SEC22A: variants seen among roughly 807,000 people sequenced by gnomAD.
The protein encoded by SEC22A is vesicle-trafficking protein SEC22a.
In SEC22A, 22 loss-of-function variants were observed where a neutral mutation model predicts 35.3. That is an observed-to-expected ratio of 0.62 (90% confidence interval 0.45 to 0.89). SEC22A has a LOEUF of 0.89. SEC22A is among the 40% of genes least tolerant of loss of function. The pLI, the probability that SEC22A is intolerant of heterozygous loss-of-function variation, is 0.00. For synonymous variants in SEC22A, 119 were observed against 129.5 expected, an observed-to-expected ratio of 0.92 and a Z score of 0.55; for missense variants, 354 against 362.5, an observed-to-expected ratio of 0.98 and a Z score of 0.19.
At chr3:123,246,548 C>T (rs1235021294) in intron 5 of SEC22A, among the ~76,000 whole-genome samples, 1 of 152,202 alleles carries the variant, frequency 6.6e-6, no homozygotes, top group Non-Finnish European at 1.5e-5. Flanking sequence ...AAAACTTGAG[C>T]TTCCTAGAAA....
At chr3:123,250,631 C>T (rs1384412271) in intron 5 of SEC22A, among the ~76,000 whole-genome samples, 4 of 152,060 alleles carry the variant, frequency 2.6e-5, no homozygotes, top group Non-Finnish European at 4.4e-5. Flanking sequence ...TAGTAGATCC[C>T]CAGCCATAAT....
At chr3:123,270,744 A>G (rs886160089) in intron 6 of SEC22A, among the ~76,000 whole-genome samples, 2 of 152,210 alleles carry the variant, frequency 1.3e-5, no homozygotes, top group African/African-American at 4.8e-5. Flanking sequence ...GAATGCCAGG[A>G]TGGGCAGGAG....
intron 4 of SEC22A, among the ~76,000 whole-genome samples, chr3:123,238,551 T>C (rs1937469740): frequency 6.6e-6 from 1 of 152,230 alleles, no homozygotes; most frequent in African/African-American, 2.4e-5. Flanking sequence ...CAAGCCTACA[T>C]AATATTTTCT....
chr3:123,220,641 T>C (rs1456913470), intron 2 of SEC22A, among the ~76,000 whole-genome samples: 2 of 151,982 alleles, frequency 1.3e-5, no homozygotes, highest in Non-Finnish European at 2.9e-5. Flanking sequence ...AATGCTGTAG[T>C]TCACTAAACT....
At chr3:123,207,682 A>G (rs1362424300) in intron 1 of SEC22A, among the ~76,000 whole-genome samples, 1 of 152,232 alleles carries the variant, frequency 6.6e-6, no homozygotes, top group Admixed American at 6.5e-5. Flanking sequence ...AGAAATCTGC[A>G]TTTTTAACTA....
intron 6 of SEC22A, among the ~76,000 whole-genome samples, chr3:123,269,177 A>ATGTGTG (rs1223821694): frequency 0.02 from 2,270 of 112,008 alleles, 28 homozygotes; most frequent in African/African-American, 0.034. Flanking sequence ...TGAATTAAAT[A>ATGTGTG]TATGTGTGTG....
rs779433710 is a variant in SEC22A, at chr3:123,203,053, C to CTTTTTTTTTTTTT, written c.-20+1089_-20+1101dup. 4.3e-4 allele frequency among the ~76,000 whole-genome samples: 19 copies of CTTTTTTTTTTTTT among 43,838 alleles called. 4 individuals carry two copies. The highest frequency in any genetic ancestry group is 1.2e-3 in the African/African-American group (11 of 9,430). 28.8% of individuals were successfully genotyped at this position (43,838 alleles called of 152,430 possible). The stretch of plus-strand genomic sequence containing the variant: ...GAAAACCATCACATCTGTTTAGTGC[C>CTTTTTTTTTTTTT]TTTTTTTTTTTTTTTTTTTTTTTTT... On this transcript the variant is annotated intron_variant, in intron 1 of 6. Coordinates refer to ENST00000492595, the MANE Select transcript of SEC22A (RefSeq NM_012430.5).
At chr3:123,242,734 T>C (rs1410745561) in intron 4 of SEC22A, among the ~76,000 whole-genome samples, 3 of 152,146 alleles carry the variant, frequency 2.0e-5, no homozygotes, top group African/African-American at 4.8e-5. Flanking sequence ...TAGAAAATAA[T>C]TTAATCTTAA....
chr3:123,210,896 T>C (rs1936931088), intron 2 of SEC22A, among the ~76,000 whole-genome samples: 1 of 152,132 alleles, frequency 6.6e-6, no homozygotes, highest in Non-Finnish European at 1.5e-5. Flanking sequence ...AAGCAAAGAA[T>C]GTGACTTAGC....
At position 123,271,759 on chromosome 3, in the gene SEC22A, G is replaced by C; in HGVS notation, c.*37G>C. The C allele has an allele frequency of 6.5e-7, 1 of 1,535,522 alleles. No homozygotes were observed. The highest frequency in any genetic ancestry group is 9.0e-7 in the Non-Finnish European group (1 of 1,110,632). On this transcript the variant is annotated 3_prime_UTR_variant, in exon 7 of 7. Transcript: ENST00000492595. ...AGATCTATTGCCTTGGCTTCAGGGG[G>C]ATAAGGAGGGAACATATCATAACTG... is the stretch of plus-strand genomic sequence containing the variant.
chr3:123,268,218 TAA>T (rs1266736264), intron 6 of SEC22A, among the ~76,000 whole-genome samples: 1 of 152,212 alleles, frequency 6.6e-6, no homozygotes, highest in African/African-American at 2.4e-5. Flanking sequence ...AGTTACTGTT[TAA>T]AAGTTTTCTG....
At chr3:123,210,395 G>C (rs1342362934) in intron 2 of SEC22A, among the ~76,000 whole-genome samples, 1 of 152,168 alleles carries the variant, frequency 6.6e-6, no homozygotes, top group African/African-American at 2.4e-5. Flanking sequence ...ATCACCTGTA[G>C]TTTTTTGGCC....
chr3:123,271,902 A>G lies in SEC22A; in HGVS notation c.*180A>G. 1 of 587,236 alleles carries G rather than the reference A, an allele frequency of 1.7e-6. No individual in the cohort carries two copies. Among genetic ancestry groups the G allele is most frequent in the Non-Finnish European group, 3.0e-6 (1 of 334,814 alleles). The allele number at this position is 587,236 out of a possible 1,614,324, so 36.4% of individuals were successfully genotyped here. On this transcript the variant is annotated 3_prime_UTR_variant, in exon 7 of 7. Transcript: ENST00000492595. Reference sequence around the variant, plus strand: ...GAGCATGGAAGAGTCCTCTCAGAAGAATGTTGGCCATGAGACTATCATTCA... The same window carrying G: ...GAGCATGGAAGAGTCCTCTCAGAAGGATGTTGGCCATGAGACTATCATTCA...
chr3:123,238,970 G>A (rs1292269600), intron 4 of SEC22A, among the ~76,000 whole-genome samples: 1 of 152,094 alleles, frequency 6.6e-6, no homozygotes, highest in Non-Finnish European at 1.5e-5. Context: ...CTATAACAAC[G>A]ATATCAACAT....
At chr3:123,212,681 A>G (rs1936956638) in intron 2 of SEC22A, among the ~76,000 whole-genome samples, 1 of 151,994 alleles carries the variant, frequency 6.6e-6, no homozygotes, top group Non-Finnish European at 1.5e-5. Context: ...AGTTAGTTGT[A>G]CTCCAGCTTA....
chr3:123,230,699 C>CAAAAAAAAAA (rs376679473), intron 4 of SEC22A, among the ~76,000 whole-genome samples: 4 of 47,404 alleles, frequency 8.4e-5, no homozygotes, highest in Admixed American at 2.0e-4. Context: ...TCACTTCATG[C>CAAAAAAAAAA]AAAAAAAAAA....
At chr3:123,206,871 T>A (rs1041221495) in intron 1 of SEC22A, among the ~76,000 whole-genome samples, 1 of 152,204 alleles carries the variant, frequency 6.6e-6, no homozygotes, top group Non-Finnish European at 1.5e-5. Flanking sequence ...ACAGATCACT[T>A]CAGGCCAGGA....
intron 1 of SEC22A, among the ~76,000 whole-genome samples, chr3:123,206,510 A>G (rs1936855578): frequency 6.6e-6 from 1 of 152,242 alleles, no homozygotes; most frequent in African/African-American, 2.4e-5. Flanking sequence ...ATAAACGCTT[A>G]AGGGGATAGA....
chr3:123,202,512 T>C (rs963818352), intron 1 of SEC22A, among the ~76,000 whole-genome samples: 8 of 152,218 alleles, frequency 5.3e-5, no homozygotes, highest in Admixed American at 3.9e-4. Flanking sequence ...TTTGCCCGCG[T>C]TGGCTCACGG....
Sources: gnomAD v4.1 joint callset for allele counts (sites outside exome capture counted in the v4.1 genomes callset) on GRCh38, gnomAD v4.1.1 for gene constraint, MANE v1.5 for transcripts, NCBI Gene and HGNC (gene_info 2026-07-23, HGNC 2026-07-21) for gene names.